The following ARHGEF40 variants were observed in gnomAD, a reference collection of about 807,000 sequenced individuals.
ARHGEF40 encodes Rho guanine nucleotide exchange factor (GEF) 40.
In ARHGEF40, 98 loss-of-function variants were observed where a neutral mutation model predicts 165.9. The observed-to-expected ratio is 0.59, with a 90% CI of 0.50 to 0.70. ARHGEF40 has a LOEUF of 0.70. Ranked by LOEUF, ARHGEF40 falls within the 30% of genes least tolerant of loss-of-function variation. The pLI is 0.00. For synonymous variants in ARHGEF40, 792 were observed against 814.3 expected (o/e 0.97, Z 0.47); for missense variants, 1,815 against 1,968.0 (o/e 0.92, Z 1.47).
chr14:21,082,220 C>G, intron 14 of ARHGEF40, 24 bp from the exon 15 acceptor site: 1 of 1,593,288 alleles, frequency 6.3e-7, no homozygotes, highest in Non-Finnish European at 8.6e-7. Context: ...CACACCTCCT[C>G]TGCCACTCCT....
chr14:21,065,124 T>C, the ARHGEF40 span, among the ~76,000 whole-genome samples: 2 of 151,874 alleles, frequency 1.3e-5, no homozygotes, highest in Admixed American at 6.6e-5. Context: ...TGAGTCGAGA[T>C]TGTACCACTG....
At chr14:21,065,223 C>T in the ARHGEF40 span, among the ~76,000 whole-genome samples, 1 of 151,792 alleles carries the variant, frequency 6.6e-6, no homozygotes, top group African/African-American at 2.4e-5. Flanking sequence ...GCATGCCTTC[C>T]ACTTGCAAAT....
At chr14:21,083,600 G>C (rs1888105271) in intron 16 of ARHGEF40, among the ~76,000 whole-genome samples, 1 of 152,136 alleles carries the variant, frequency 6.6e-6, no homozygotes, top group Non-Finnish European at 1.5e-5. Flanking sequence ...AAGTAAAGGG[G>C]ATTACTATTT....
intron 18 of ARHGEF40, 148 bp downstream of exon 18, chr14:21,085,071 G>T: frequency 9.8e-7 from 1 of 1,025,532 alleles, no homozygotes. Context: ...ATCGAGTTAG[G>T]GTGTCAGGGG....
rs777087278 is a variant in ARHGEF40 at position 21,073,157 on chromosome 14, C to T, written c.116C>T (p.Thr39Ile). The change falls in exon 2 of 24, where the codon ACT (threonine) becomes ATT (isoleucine). Residue 39 changes from threonine to isoleucine, a missense_variant. Thr to Ile is a moderately conservative substitution (Grantham distance 89). Transcript: ENST00000298694. This position sits in a 1 kb window ranked among gnomAD's most constrained non-coding sequence, Gnocchi z 4.6. ...LGQVFQVVER[T>I]YREDALRYTL... ...CAGGTGTTCCAGGTGGTGGAGAGGA[C>T]TTATCGGGAGGACGCACTGAGGTAC... 59 of 1,614,018 alleles carry T rather than the reference C, an allele frequency of 3.7e-5. No homozygotes were observed. Among genetic ancestry groups the T allele is most frequent in the Non-Finnish European group, 5.0e-5 (59 of 1,180,030 alleles).
At chr14:21,069,666 T>C (rs1886517547), upstream of ARHGEF40, among the ~76,000 whole-genome samples, 1 of 152,210 alleles carries the variant, frequency 6.6e-6, no homozygotes, top group Non-Finnish European at 1.5e-5. Flanking sequence ...GAGCCCATTG[T>C]CAGCCCAGAG....
At chr14:21,088,212 C>T (rs1452509802) in intron 22 of ARHGEF40, 114 bp downstream of exon 22, 1 of 1,302,418 alleles carries the variant, frequency 7.7e-7, no homozygotes, top group African/African-American at 1.5e-5. Context: ...AACTTGTGCT[C>T]CCAGCTGAGG....
At position 21,087,066 on chromosome 14, in the gene ARHGEF40, C is replaced by G. The variant is rs145494890; in HGVS notation, c.4204C>G (p.Leu1402Val). 1 of 1,608,550 alleles carries G rather than the reference C, an allele frequency of 6.2e-7. No homozygotes were observed. Among genetic ancestry groups the G allele is most frequent in the Non-Finnish European group, 8.5e-7 (1 of 1,177,346 alleles). Residue 1402 changes from leucine to valine, a missense_variant, in exon 20 of 24, where the codon CTT becomes GTT. Transcript: ENST00000298694. Reference sequence around the variant, plus strand: ...TAAACCCTTCCTGGACATCAAAGCCCTTGGGGAGCGGACGCTGAGTGCCCT... The same window carrying G: ...TAAACCCTTCCTGGACATCAAAGCCGTTGGGGAGCGGACGCTGAGTGCCCT... ...GNKPFLDIKA[L>V]GERTLSALLT...
At chr14:21,066,886 C>CACACAGATT (rs1886297316), upstream of ARHGEF40, among the ~76,000 whole-genome samples, 1 of 152,330 alleles carries the variant, frequency 6.6e-6, no homozygotes, top group African/African-American at 2.4e-5. Flanking sequence ...ATTTACATAT[C>CACACAGATT]ACACAGATTT....
At position 21,072,525 on chromosome 14, in the gene ARHGEF40, G is replaced by A. The variant is rs1439067030; in HGVS notation, c.4-520G>A. Among the ~76,000 whole-genome samples the A allele has an allele frequency of 6.6e-6, 1 of 152,024 alleles. No individual in the cohort carries two copies. The highest frequency in any genetic ancestry group is 1.5e-5 in the Non-Finnish European group (1 of 67,986). ...ATGACCATCTCTAGCATATAAATGA[G>A]CATCTCTCTTTCACCAAATGATCAT... On this transcript the variant is annotated intron_variant, in intron 1 of 23. Transcript: ENST00000298694. The surrounding 1 kb of genome is among the most constrained non-coding windows in gnomAD (Gnocchi z 4.1).
In ARHGEF40 at chr14:21,076,646, T is replaced by C. The variant is rs574127829; in HGVS notation, c.1917+3T>C. The C allele has an allele frequency of 3.7e-6, 6 of 1,613,596 alleles. No homozygotes were observed. In the African/African-American group the frequency reaches 6.7e-5, roughly 18 times the overall value. ...CAACTGAACTCTGTGGATTTCAGGT[T>C]TGAGCCCTTCATTCCCATCTAGTTT... On this transcript the variant is annotated splice_donor_region_variant and intron_variant, in intron 7 of 23. Transcript: ENST00000298694.
chr14:21,077,541 G>C (rs1209379271), intron 8 of ARHGEF40, among the ~76,000 whole-genome samples: 13 of 152,126 alleles, frequency 8.5e-5, no homozygotes, highest in Non-Finnish European at 1.9e-4. Flanking sequence ...AGAGTCAAAA[G>C]GCTGGTTCTT....
At chr14:21,068,100 C>G (rs10143954), upstream of ARHGEF40, among the ~76,000 whole-genome samples, 4,220 of 40,604 alleles carry the variant, frequency 0.1, 1,414 homozygotes, top group African/African-American at 0.21. Context: ...CCCGGGTTCA[C>G]GCCATTCTCC....
rs112878437 is a variant in ARHGEF40, at chr14:21,070,732, C to A, written c.3+333C>A. ...TTCCTTTCCTGGAGCTTCCCTCCCCCTCCTGGTCCGAGCTCCTTACCCGCG... is the reference window on the plus strand; with the variant it reads ...TTCCTTTCCTGGAGCTTCCCTCCCCATCCTGGTCCGAGCTCCTTACCCGCG... On this transcript the variant is annotated intron_variant, in intron 1 of 23. Coordinates refer to ENST00000298694, the MANE Select transcript of ARHGEF40 (RefSeq NM_018071.5). The surrounding 1 kb of genome is among the most constrained non-coding windows in gnomAD (Gnocchi z 4.7). 4 of 1,373,294 alleles carry A rather than the reference C, an allele frequency of 2.9e-6. No individual in the cohort carries two copies. The highest frequency in any genetic ancestry group is 1.4e-5 in the African/African-American group (1 of 69,724). 85.1% of individuals were successfully genotyped at this position (1,373,294 alleles called of 1,614,324 possible).
chr14:21,085,996 A>G (rs967011515), intron 19 of ARHGEF40, 130 bp downstream of exon 19: 3 of 1,099,036 alleles, frequency 2.7e-6, no homozygotes, highest in Admixed American at 2.5e-5. Flanking sequence ...ATAAGATTCA[A>G]GATTTGGCTT....
chr14:21,084,426 C>T (rs964890876), intron 17 of ARHGEF40, among the ~76,000 whole-genome samples: 1 of 152,212 alleles, frequency 6.6e-6, no homozygotes, highest in African/African-American at 2.4e-5. Flanking sequence ...AATCCTGTAT[C>T]CTCCTCTGGA....
At chr14:21,077,136 A>T (rs1887490496) in intron 8 of ARHGEF40, among the ~76,000 whole-genome samples, 1 of 151,834 alleles carries the variant, frequency 6.6e-6, no homozygotes. Context: ...AGACAGTCTC[A>T]CTCTGTCACC....
Position 21,083,861 on chromosome 14 carries a change from GC to G in ARHGEF40, c.3604del (p.Arg1202GlufsTer10). The G allele has an allele frequency of 6.2e-7, 1 of 1,613,512 alleles. No individual in the cohort carries two copies. The highest frequency in any genetic ancestry group is 8.5e-7 in the Non-Finnish European group (1 of 1,179,980). Reference sequence around the variant, plus strand: ...GCTCCATGGAGGCTGGCCCTTACCTGCCCCGAGCCCTGCAGCAGCCTCTGGA... The same window carrying G: ...GCTCCATGGAGGCTGGCCCTTACCTGCCCGAGCCCTGCAGCAGCCTCTGGA... ...KGSMEAGPYL[P>X]RALQQPLEQL... On this transcript the variant is annotated frameshift_variant, in exon 17 of 24. Transcript: ENST00000298694. LOFTEE classifies it high-confidence loss of function.
At position 21,087,098 on chromosome 14, in the gene ARHGEF40, T is replaced by G; in HGVS notation, c.4236T>G (p.Thr1412=). ...AGCGGACGCTGAGTGCCCTGCTCAC[T>G]GGAAGAGGTGAGGGCCAGGGTGCTG... ...LGERTLSALL[T]GRAARTRASV... The change falls in exon 20 of 24, where the codon ACT becomes ACG. Residue 1412 remains threonine, a synonymous_variant. Transcript: ENST00000298694. 1 of 1,608,136 alleles carries G rather than the reference T, an allele frequency of 6.2e-7. No homozygotes were observed. The highest frequency in any genetic ancestry group is 8.5e-7 in the Non-Finnish European group (1 of 1,177,120).
Sources: gnomAD v4.1 joint callset for allele counts (sites outside exome capture counted in the v4.1 genomes callset) on GRCh38, gnomAD v4.1.1 for gene constraint, Gnocchi (gnomAD v3.1) non-coding constraint, MANE v1.5 for transcripts, NCBI Gene and HGNC (gene_info 2026-07-23, HGNC 2026-07-21) for gene names.